Variants in ATG4B observed in about 807,000 individuals in gnomAD.
The protein encoded by ATG4B is cysteine protease ATG4B.
In ATG4B, 29 loss-of-function variants were observed where a neutral mutation model predicts 56.6. That is an observed-to-expected ratio of 0.51 (90% CI 0.38 to 0.70). The LOEUF (loss-of-function observed/expected upper bound fraction) is 0.70. Ranked by LOEUF, ATG4B falls within the 30% of genes least tolerant of loss-of-function variation. The probability of loss-of-function intolerance (pLI) is 0.00; values close to 1 mark genes in which losing one functional copy is unlikely to be tolerated. For missense variants in ATG4B, 461 were observed against 515.5 expected (o/e 0.89, Z 1.02); for synonymous variants, 224 against 206.1 (o/e 1.09, Z -0.74).
In ATG4B at chr2:241,672,175, G is replaced by A. The variant is rs1182486989; in HGVS notation, c.1109-16G>A. The A allele has an allele frequency of 1.3e-6, 2 of 1,568,336 alleles. No homozygotes were observed. Among genetic ancestry groups the A allele is most frequent in the Admixed American group, 3.8e-5 (2 of 52,716 alleles). Reference sequence around the variant, plus strand: ...CCACCCAAGATGCCTGATGCGCTATGTCCTGTTCCTTCTAGATTCTTCTGA... The same window carrying A: ...CCACCCAAGATGCCTGATGCGCTATATCCTGTTCCTTCTAGATTCTTCTGA... On this transcript the variant is annotated splice_polypyrimidine_tract_variant and intron_variant, in intron 12 of 12. Transcript: ENST00000404914.
rs1239184114 is a variant in ATG4B, at chr2:241,653,511, G to A, written c.185-1G>A. ...ACTTCTCTCTCTGTCTGCCACGACA[G>A]GGGGGACAGGCCCCACCTCGGACAC... On this transcript the variant is annotated splice_acceptor_variant, in intron 3 of 12. Coordinates refer to ENST00000404914, the MANE Select transcript of ATG4B (RefSeq NM_013325.5). LOFTEE classifies it high-confidence loss of function. 1.9e-6 allele frequency: 3 copies of A among 1,576,316 alleles called. No individual in the cohort carries two copies. The highest frequency in any genetic ancestry group is 1.2e-5 in the South Asian group (1 of 85,704).
chr2:241,650,960 G>A (rs200373088), intron 1 of ATG4B, 50 bp from the exon 2 acceptor site: 3 of 1,492,990 alleles, frequency 2.0e-6, no homozygotes, highest in South Asian at 1.2e-5. Context: ...TTCGATACTA[G>A]TTTATGAAAT....
At chr2:241,644,462 G>T (rs933646059) in intron 1 of ATG4B, among the ~76,000 whole-genome samples, 1 of 152,248 alleles carries the variant, frequency 6.6e-6, no homozygotes, top group Admixed American at 6.5e-5. Context: ...TGGAAAACTG[G>T]TGGCTGTGCC....
In ATG4B at chr2:241,668,216, A is replaced by G; in HGVS notation, c.806A>G (p.Tyr269Cys). 4 of 1,601,942 alleles carry G rather than the reference A, an allele frequency of 2.5e-6. No individual in the cohort carries two copies. The highest frequency in any genetic ancestry group is 3.4e-6 in the Non-Finnish European group (4 of 1,174,828). ...AACAGCGCCCACTACTTCATCGGCTACGTTGGTGAGTCCAGGGTTCCCACC... is the reference window on the plus strand; with the variant it reads ...AACAGCGCCCACTACTTCATCGGCTGCGTTGGTGAGTCCAGGGTTCCCACC... Reference protein sequence around the residue: ...KPNSAHYFIGYVGEELIYLDP... With the variant: ...KPNSAHYFIGCVGEELIYLDP... The change falls in exon 9 of 13, where the codon TAC becomes TGC. Residue 269 changes from tyrosine (Y) to cysteine (C), a missense_variant. By Grantham distance (194) the Tyr-to-Cys change is radical. Coordinates refer to ENST00000404914, the MANE Select transcript of ATG4B (RefSeq NM_013325.5). The surrounding 1 kb of genome is among the most constrained non-coding windows in gnomAD (Gnocchi z 4.2).
At chr2:241,665,367 C>T (rs1230557415) in intron 7 of ATG4B, among the ~76,000 whole-genome samples, 2 of 152,222 alleles carry the variant, frequency 1.3e-5, no homozygotes, top group Non-Finnish European at 2.9e-5. Flanking sequence ...CCGTCTTGGC[C>T]CCTTGCTGTC....
intron 5 of ATG4B, 184 bp downstream of exon 5, chr2:241,654,831 C>T (rs1002120368): frequency 6.6e-6 from 4 of 606,970 alleles, no homozygotes; most frequent in Non-Finnish European, 1.2e-5. Context: ...CCCACATCAC[C>T]CCCGTCCCAC....
At position 241,655,343 on chromosome 2, in the gene ATG4B, A is replaced by G; in HGVS notation, c.458A>G (p.Lys153Arg). 2 of 1,607,278 alleles carry G rather than the reference A, an allele frequency of 1.2e-6. No homozygotes were observed. Among genetic ancestry groups the G allele is most frequent in the Non-Finnish European group, 8.5e-7 (1 of 1,176,846 alleles). The change falls in exon 6 of 13, where the codon AAG (lysine) becomes AGG (arginine). Residue 153 changes from lysine (K) to arginine (R), a missense_variant and splice_region_variant. Coordinates refer to ENST00000404914, the MANE Select transcript of ATG4B (RefSeq NM_013325.5). Reference protein sequence around the residue: ...YGPNTVAQVLKKLAVFDTWSS... With the variant: ...YGPNTVAQVLRKLAVFDTWSS... ...CCCAACACTGTCGCCCAGGTCCTGA[A>G]GTATGTACTGCGCTTCCACTGCTGA...
chr2:241,664,601 C>T lies in ATG4B; in HGVS notation c.539-2044C>T, dbSNP rs551379225. On this transcript the variant is annotated intron_variant, in intron 7 of 12. Coordinates refer to ENST00000404914, the MANE Select transcript of ATG4B (RefSeq NM_013325.5). The stretch of plus-strand genomic sequence containing the variant: ...GGGCGTGGTAGCTCCTACCCATAAT[C>T]GCACCTCTCAGGGAGGCTGAGTTGG... 4.6e-5 allele frequency among the ~76,000 whole-genome samples: 7 copies of T among 152,220 alleles called. No individual in the cohort carries two copies. In the East Asian group the frequency reaches 7.7e-4, roughly 17 times the overall value.
intron 1 of ATG4B, among the ~76,000 whole-genome samples, chr2:241,642,393 T>TA (rs986735866): frequency 3.3e-5 from 5 of 151,754 alleles, no homozygotes; most frequent in African/African-American, 4.8e-5. Context: ...CTTGGAGATT[T>TA]AAAAAAAAGT....
Position 241,644,370 on chromosome 2 carries a change from T to C in ATG4B, c.11-6640T>C, listed in dbSNP as rs566544660. Among the ~76,000 whole-genome samples, 42 of 152,170 alleles carry C rather than the reference T, an allele frequency of 2.8e-4. No individual in the cohort carries two copies. In the South Asian group the frequency reaches 6.8e-3, roughly 25 times the overall value. On this transcript the variant is annotated intron_variant, in intron 1 of 12. Transcript: ENST00000404914. ...CAGAGCCAGAAGGAACGTTTGGGAA[T>C]GGAATCATCGTGTTGGTCGATCTGC...
intron 1 of ATG4B, among the ~76,000 whole-genome samples, chr2:241,643,672 G>GTA (rs1441237750): frequency 7.4e-6 from 1 of 135,470 alleles, no homozygotes; most frequent in African/African-American, 3.0e-5. Flanking sequence ...ACGTGTGTGT[G>GTA]TGTGTGTGTA....
chr2:241,655,807 C>T (rs1373124002), intron 6 of ATG4B, among the ~76,000 whole-genome samples: 2 of 152,210 alleles, frequency 1.3e-5, no homozygotes, highest in Admixed American at 6.5e-5. Flanking sequence ...GCACCTGCTC[C>T]GCACCGCTTC....
chr2:241,650,527 C>T (rs770501299), intron 1 of ATG4B, among the ~76,000 whole-genome samples: 2 of 152,116 alleles, frequency 1.3e-5, no homozygotes, highest in African/African-American at 2.4e-5. Context: ...CCATGGAAAA[C>T]GACTCTTTGC....
At chr2:241,642,200 C>T (rs1326154051) in intron 1 of ATG4B, among the ~76,000 whole-genome samples, 1 of 148,124 alleles carries the variant, frequency 6.8e-6, no homozygotes, top group Non-Finnish European at 1.5e-5. Context: ...GAGTCTTGCT[C>T]TGTTTCCCAG....
intron 1 of ATG4B, among the ~76,000 whole-genome samples, chr2:241,642,486 A>C (rs2067921136): frequency 6.6e-6 from 1 of 152,158 alleles, no homozygotes; most frequent in Non-Finnish European, 1.5e-5. Flanking sequence ...ATAAAATATA[A>C]ATCTTTTGGA....
rs1347093389 is a variant in ATG4B, at chr2:241,668,236, C to A, written c.811+15C>A. The A allele has an allele frequency of 1.3e-6, 2 of 1,584,446 alleles. No homozygotes were observed. The highest frequency in any genetic ancestry group is 8.6e-7 in the Non-Finnish European group (1 of 1,165,880). On this transcript the variant is annotated intron_variant, in intron 9 of 12. Coordinates refer to ENST00000404914, the MANE Select transcript of ATG4B (RefSeq NM_013325.5). This position sits in a 1 kb window ranked among gnomAD's most constrained non-coding sequence, Gnocchi z 4.2. Reference sequence around the variant, plus strand: ...CGGCTACGTTGGTGAGTCCAGGGTTCCCACCGTGTCCCTGTGGGCCTGGGC... The same window carrying A: ...CGGCTACGTTGGTGAGTCCAGGGTTACCACCGTGTCCCTGTGGGCCTGGGC...
At chr2:241,656,825 T>A (rs978786851) in intron 6 of ATG4B, among the ~76,000 whole-genome samples, 1 of 152,216 alleles carries the variant, frequency 6.6e-6, no homozygotes, top group Non-Finnish European at 1.5e-5. Flanking sequence ...TCTAGACCCC[T>A]CTTTTTGAGA....
chr2:241,673,416 G>A lies in ATG4B; in HGVS notation c.*1152G>A, dbSNP rs1041152979. On this transcript the variant is annotated 3_prime_UTR_variant, in exon 13 of 13. Coordinates refer to ENST00000404914, the MANE Select transcript of ATG4B (RefSeq NM_013325.5). ...AAACAGGAGGGCTTGGGGAGCGTGG[G>A]CACTTTTCTCATGAGCAGCTACTGC... 4.5e-5 allele frequency: 17 copies of A among 377,432 alleles called. No homozygotes were observed. The highest frequency in any genetic ancestry group is 3.3e-4 in the African/African-American group (16 of 47,870). 23.4% of individuals were successfully genotyped at this position (377,432 alleles called of 1,614,324 possible).
chr2:241,645,536 C>T (rs901009107), intron 1 of ATG4B, among the ~76,000 whole-genome samples: 5 of 152,170 alleles, frequency 3.3e-5, no homozygotes, highest in African/African-American at 7.2e-5. Flanking sequence ...TTACTGCTCC[C>T]GTGCAGTTTA....
Sources: gnomAD v4.1 joint callset for allele counts (sites outside exome capture counted in the v4.1 genomes callset) on GRCh38, gnomAD v4.1.1 for gene constraint, Gnocchi (gnomAD v3.1) non-coding constraint, MANE v1.5 for transcripts, NCBI Gene and HGNC (gene_info 2026-07-23, HGNC 2026-07-21) for gene names.